The following GRHL1 variants were observed in gnomAD, a reference collection of about 807,000 sequenced individuals.
GRHL1 encodes the protein grainyhead-like protein 1 homolog.
In GRHL1, 38 loss-of-function variants were observed where a neutral mutation model predicts 75.7. The ratio of observed to expected loss-of-function variants is 0.50; its 90% CI spans 0.39 to 0.66. The LOEUF is 0.66. GRHL1 is among the 30% of genes least tolerant of loss of function. GRHL1 has a pLI of 0.00. For synonymous variants in GRHL1, 266 were observed against 279.4 expected, an observed-to-expected ratio of 0.95 and a Z score of 0.48; for missense variants, 589 against 767.5, an observed-to-expected ratio of 0.77 and a Z score of 2.75.
At chr2:9,988,759 C>G (rs1269700325) in intron 9 of GRHL1, among the ~76,000 whole-genome samples, 3 of 152,146 alleles carry the variant, frequency 2.0e-5, no homozygotes, top group African/African-American at 7.2e-5. Context: ...TCTTTAGTTG[C>G]CTGCTGGTCA....
chr2:9,961,227 A>T lies in GRHL1; in HGVS notation c.460A>T (p.Thr154Ser). 6.2e-7 allele frequency: 1 copy of T among 1,614,064 alleles called. No homozygotes were observed. ...CACTGTCTCCATAGCAACGATGCCT[A>T]CCCACTCCATCAAGACAGAAACCCA... Reference protein sequence around the residue: ...TVTVSIATMPTHSIKTETQPH... With the variant: ...TVTVSIATMPSHSIKTETQPH... Residue 154 changes from threonine (T) to serine (S), a missense_variant, in exon 4 of 16, where the codon ACC becomes TCC. Thr to Ser is a moderately conservative substitution (Grantham distance 58). Transcript: ENST00000324907.
intron 7 of GRHL1, chr2:9,964,959 C>G (rs1667429344): frequency 1.6e-5 from 4 of 243,658 alleles, no homozygotes; most frequent in Admixed American, 5.1e-5. Context: ...GCTCTTGTTT[C>G]CTTTTCAGGA....
At chr2:9,996,620 T>C (rs574822734) in intron 14 of GRHL1, among the ~76,000 whole-genome samples, 5 of 152,352 alleles carry the variant, frequency 3.3e-5, no homozygotes, top group African/African-American at 9.6e-5. Flanking sequence ...AGTGAATGCA[T>C]CTGTGATGGC....
At chr2:9,976,314 G>A (rs2125225755) in intron 8 of GRHL1, among the ~76,000 whole-genome samples, 1 of 152,246 alleles carries the variant, frequency 6.6e-6, no homozygotes, top group African/African-American at 2.4e-5. Flanking sequence ...GGGGGTGGTG[G>A]TGGGGGTTCC....
chr2:9,985,703 A>T (rs1469543117), intron 8 of GRHL1, among the ~76,000 whole-genome samples: 2 of 152,258 alleles, frequency 1.3e-5, no homozygotes, highest in African/African-American at 2.4e-5. Context: ...ACTACAGGTT[A>T]TCCTAAGAGG....
Position 9,999,044 on chromosome 2 carries a change from C to A in GRHL1, c.1742+15C>A. 2.0e-6 allele frequency: 3 copies of A among 1,480,026 alleles called. No individual in the cohort carries two copies. The highest frequency in any genetic ancestry group is 2.8e-6 in the Non-Finnish European group (3 of 1,079,030). 91.7% of individuals were successfully genotyped at this position (1,480,026 alleles called of 1,614,324 possible). On this transcript the variant is annotated intron_variant, in intron 15 of 15. Transcript: ENST00000324907. ...TGTAAAAAGGGGTAAGCAGCCACTG[C>A]GTCCTGTGTACCTCGGAAAGTGCTG...
At position 9,996,310 on chromosome 2, in the gene GRHL1, G is replaced by T. The variant is rs199745740; in HGVS notation, c.1592-6G>T. The T allele has an allele frequency of 1.2e-4, 184 of 1,599,532 alleles. No homozygotes were observed. Among genetic ancestry groups the T allele is most frequent in the Non-Finnish European group, 1.5e-4 (179 of 1,166,732 alleles). ...CCTTCCTTATTCCTGGTTGGGGATT[G>T]ATTAGTGCTGCTCTACGTTCGAAAG... On this transcript the variant is annotated splice_region_variant and splice_polypyrimidine_tract_variant and intron_variant, in intron 13 of 15. Coordinates refer to ENST00000324907, the MANE Select transcript of GRHL1 (RefSeq NM_198182.3).
At chr2:9,985,065 CAA>C (rs3032357) in intron 8 of GRHL1, among the ~76,000 whole-genome samples, 11,036 of 122,458 alleles carry the variant, frequency 0.09, 807 homozygotes, top group African/African-American at 0.23. Flanking sequence ...CAGACTGTCT[CAA>C]AAAAAAAAAA....
Position 9,993,081 on chromosome 2 carries a change from A to G in GRHL1, c.1462-126A>G, listed in dbSNP as rs1026513149. The G allele has an allele frequency of 3.6e-5, 29 of 806,830 alleles. No homozygotes were observed. In the Middle Eastern group the frequency reaches 1.9e-3, roughly 53 times the overall value. 50.0% of individuals were successfully genotyped at this position (806,830 alleles called of 1,614,324 possible). A position where few individuals can be genotyped will look rare whatever the true frequency, so the allele number is the denominator to read the frequency against. ...CATCTGTAAGAATCTGTTATTGAAA[A>G]CTAAGGCTAAAGGATTTTATATTAG... is the stretch of plus-strand genomic sequence containing the variant. On this transcript the variant is annotated intron_variant, in intron 11 of 15. Coordinates refer to ENST00000324907, the MANE Select transcript of GRHL1 (RefSeq NM_198182.3).
At chr2:9,966,909 G>A (rs904092309) in intron 8 of GRHL1, among the ~76,000 whole-genome samples, 1 of 152,138 alleles carries the variant, frequency 6.6e-6, no homozygotes, top group African/African-American at 2.4e-5. Context: ...ATAGTCCGGA[G>A]TTTGTTGCTT....
At chr2:9,993,168 A>G (rs1668717868) in intron 11 of GRHL1, 39 bp from the exon 12 acceptor site, 2 of 1,449,492 alleles carry the variant, frequency 1.4e-6, no homozygotes, top group Non-Finnish European at 1.9e-6. Flanking sequence ...AAACATTTTG[A>G]GCATACATTT....
At chr2:9,998,128 T>C (rs1668954164) in intron 14 of GRHL1, among the ~76,000 whole-genome samples, 1 of 152,196 alleles carries the variant, frequency 6.6e-6, no homozygotes, top group Non-Finnish European at 1.5e-5. Context: ...TGAGCTTTGC[T>C]CTGTGGCTTG....
At position 9,995,909 on chromosome 2, in the gene GRHL1, A is replaced by G; in HGVS notation, c.1530A>G (p.Thr510=). The G allele has an allele frequency of 6.2e-7, 1 of 1,613,042 alleles. No individual in the cohort carries two copies. The highest frequency in any genetic ancestry group is 8.5e-7 in the Non-Finnish European group (1 of 1,178,934). ...TCTTGAAAAGGGGGCCGTACGGCAC[A>G]GAAGATGACTTTGCTGTCCCTCCTT... ...GSVLKRGPYG[T]EDDFAVPPST... The change falls in exon 13 of 16, where the codon ACA becomes ACG. Residue 510 remains threonine, a synonymous_variant. Coordinates refer to ENST00000324907, the MANE Select transcript of GRHL1 (RefSeq NM_198182.3).
Position 9,990,665 on chromosome 2 carries a change from G to C in GRHL1, c.1270-31G>C. 1 of 1,415,826 alleles carries C rather than the reference G, an allele frequency of 7.1e-7. No individual in the cohort carries two copies. The highest frequency in any genetic ancestry group is 1.2e-5 in the South Asian group (1 of 82,494). 87.7% of individuals were successfully genotyped at this position (1,415,826 alleles called of 1,614,324 possible). A position where few individuals can be genotyped will look rare whatever the true frequency, so the allele number is the denominator to read the frequency against. On this transcript the variant is annotated intron_variant, in intron 9 of 15. Transcript: ENST00000324907. The surrounding 1 kb of genome is among the most constrained non-coding windows in gnomAD (Gnocchi z 4.2). The stretch of plus-strand genomic sequence containing the variant: ...ATATTTTAAAGAAGATTGGAAAACA[G>C]AATCATATCTTGTCTTCTCTTAACC...
Position 9,987,127 on chromosome 2 carries a change from C to T in GRHL1, c.1269+845C>T, listed in dbSNP as rs1668455591. ...TCCAGTAGCTGGGATTACAGATGCA[C>T]ACCCACCACACCTGGCTAATTTTTG... On this transcript the variant is annotated intron_variant, in intron 9 of 15. Transcript: ENST00000324907. The surrounding 1 kb of genome is among the most constrained non-coding windows in gnomAD (Gnocchi z 4.2). Among the ~76,000 whole-genome samples, 4 of 152,058 alleles carry T rather than the reference C, an allele frequency of 2.6e-5. No individual in the cohort carries two copies. The highest frequency in any genetic ancestry group is 2.6e-4 in the Admixed American group (4 of 15,272).
rs1668846718 is a variant in GRHL1, at chr2:9,995,973, G to C, written c.1591+3G>C. The stretch of plus-strand genomic sequence containing the variant: ...CCGGATAGAAGAACCAAAGAGAGGT[G>C]TGTTCGTTTCCATTTCTTAGTGGGA... On this transcript the variant is annotated splice_donor_region_variant and intron_variant, in intron 13 of 15. Coordinates refer to ENST00000324907, the MANE Select transcript of GRHL1 (RefSeq NM_198182.3). 1 of 1,567,106 alleles carries C rather than the reference G, an allele frequency of 6.4e-7. No individual in the cohort carries two copies. Among genetic ancestry groups the C allele is most frequent in the African/African-American group, 1.4e-5 (1 of 74,034 alleles).
In GRHL1 at chr2:9,961,290, T is replaced by C. The variant is rs1667258738; in HGVS notation, c.523T>C (p.Tyr175His). The C allele has an allele frequency of 8.7e-6, 14 of 1,614,158 alleles. No homozygotes were observed. Among genetic ancestry groups the C allele is most frequent in the Non-Finnish European group, 9.3e-6 (11 of 1,180,022 alleles). Residue 175 changes from tyrosine to histidine, a missense_variant, in exon 4 of 16, where the codon TAT becomes CAT. Physicochemically the swap from Tyr to His is moderately conservative, Grantham distance 83 (BLOSUM62 2). Coordinates refer to ENST00000324907, the MANE Select transcript of GRHL1 (RefSeq NM_198182.3). ...CGCTGTGGGAATCCCCCCAGCAGTG[T>C]ATCATCCTGAGCCCACTGAGCGGGT... ...GFAVGIPPAV[Y>H]HPEPTERVVV...
In GRHL1 at chr2:9,995,905, G is replaced by A; in HGVS notation, c.1526G>A (p.Gly509Asp). 2 of 1,612,246 alleles carry A rather than the reference G, an allele frequency of 1.2e-6. No homozygotes were observed. The highest frequency in any genetic ancestry group is 1.7e-6 in the Non-Finnish European group (2 of 1,178,216). Residue 509 changes from glycine (G) to aspartate (D), a missense_variant, in exon 13 of 16, where the codon GGC (glycine) becomes GAC (aspartate). Coordinates refer to ENST00000324907, the MANE Select transcript of GRHL1 (RefSeq NM_198182.3). The part of the protein sequence containing the change: ...EGSVLKRGPY[G>D]TEDDFAVPPS... ...TCTGTCTTGAAAAGGGGGCCGTACG[G>A]CACAGAAGATGACTTTGCTGTCCCT...
intron 5 of GRHL1, among the ~76,000 whole-genome samples, chr2:9,963,565 A>G (rs1667361931): frequency 6.6e-6 from 1 of 152,226 alleles, no homozygotes; most frequent in South Asian, 2.1e-4. Context: ...CACCTGTCTG[A>G]AACCTCTGCT....
Sources: gnomAD v4.1 joint callset for allele counts (sites outside exome capture counted in the v4.1 genomes callset) on GRCh38, gnomAD v4.1.1 for gene constraint, Gnocchi (gnomAD v3.1) non-coding constraint, MANE v1.5 for transcripts, NCBI Gene and HGNC (gene_info 2026-07-23, HGNC 2026-07-21) for gene names.